EVL: variants seen among roughly 807,000 people sequenced by gnomAD.
EVL encodes ena/VASP-like protein.
Under a neutral mutation model 59.6 loss-of-function variants are expected in EVL, and 21 were observed. The ratio of observed to expected loss-of-function variants is 0.35; its 90% CI spans 0.25 to 0.51. EVL has a LOEUF of 0.51. EVL is among the 20% of genes least tolerant of loss of function. The pLI, the probability that EVL is intolerant of heterozygous loss-of-function variation, is 0.97. For missense variants in EVL, 462 were observed against 546.6 expected, an observed-to-expected ratio of 0.85 and a Z score of 1.54; for synonymous variants, 198 against 203.5, an observed-to-expected ratio of 0.97 and a Z score of 0.23.
chr14:100,086,652 T>C (rs1472129273), intron 2 of EVL, among the ~76,000 whole-genome samples: 3 of 152,162 alleles, frequency 2.0e-5, no homozygotes, highest in Non-Finnish European at 4.4e-5. Context: ...GGAAACCACA[T>C]GTTGAGAAAG....
intron 1 of EVL, among the ~76,000 whole-genome samples, chr14:100,034,811 C>T (rs948866683): frequency 1.3e-5 from 2 of 152,042 alleles, no homozygotes; most frequent in African/African-American, 4.8e-5. Flanking sequence ...CAGGCTCCTC[C>T]TCTTATTGGT....
chr14:99,987,975 C>T (rs150859837), intron 1 of EVL, among the ~76,000 whole-genome samples: 1,936 of 130,380 alleles, frequency 0.015, 49 homozygotes, highest in African/African-American at 0.055. Flanking sequence ...AGTGCAATGG[C>T]GTGATCTTGG....
At chr14:100,133,241 G>A (rs1888552842) in intron 8 of EVL, among the ~76,000 whole-genome samples, 1 of 152,206 alleles carries the variant, frequency 6.6e-6, no homozygotes, top group Non-Finnish European at 1.5e-5. Context: ...AAGGAGCCCT[G>A]GACCCCTGGC....
In EVL at chr14:99,972,094, G is replaced by C. The variant is rs539634785; in HGVS notation, c.5+37G>C. 3.2e-6 allele frequency: 1 copy of C among 317,256 alleles called. No homozygotes were observed. The highest frequency in any genetic ancestry group is 5.7e-6 in the Non-Finnish European group (1 of 173,922). 19.7% of individuals were successfully genotyped at this position (317,256 alleles called of 1,614,324 possible). On this transcript the variant is annotated intron_variant, in intron 1 of 13. Transcript: ENST00000402714. The surrounding 1 kb of genome is among the most constrained non-coding windows in gnomAD (Gnocchi z 4.4). ...CCGGCGCCTCGTGGGAGGTGGCAGC[G>C]GCCAGCGTCGGAGGGGCTGGGCTGG...
At position 100,127,850 on chromosome 14, in the gene EVL, T is replaced by G. The variant is rs543344374; in HGVS notation, c.488-669T>G. Among the ~76,000 whole-genome samples, 4 of 152,368 alleles carry G rather than the reference T, an allele frequency of 2.6e-5. No homozygotes were observed. Among genetic ancestry groups the G allele is most frequent in the Non-Finnish European group, 5.9e-5 (4 of 68,034 alleles). On this transcript the variant is annotated intron_variant, in intron 5 of 13. Coordinates refer to ENST00000392920, the MANE Select transcript of EVL (RefSeq NM_016337.3). The surrounding 1 kb of genome is among the most constrained non-coding windows in gnomAD (Gnocchi z 4.2). ...TGTCAGCTTGCCACAGTCCTCCATC[T>G]GCGTTTACCTCTGCGATTCGTTGAC...
rs1033104953 is a variant in EVL at position 100,114,786 on chromosome 14, C to T, written c.359-8753C>T. ...TCATGGGCCTCTCCTTTCACTCCCA[C>T]CTGCTCCGGGGGTGGGGGTGGGAGT... On this transcript the variant is annotated intron_variant, in intron 3 of 13. Transcript: ENST00000392920. This position sits in a 1 kb window ranked among gnomAD's most constrained non-coding sequence, Gnocchi z 5.0. Among the ~76,000 whole-genome samples, 10 of 152,182 alleles carry T rather than the reference C, an allele frequency of 6.6e-5. No individual in the cohort carries two copies. Among genetic ancestry groups the T allele is most frequent in the Admixed American group, 4.6e-4 (7 of 15,280 alleles).
intron 12 of EVL, 121 bp from the exon 13 acceptor site, chr14:100,141,615 G>A (rs1399088873): frequency 1.1e-6 from 1 of 876,198 alleles, no homozygotes; most frequent in Non-Finnish European, 1.7e-6. Context: ...GGAGACAAGG[G>A]TGACAGATGC....
intron 8 of EVL, among the ~76,000 whole-genome samples, chr14:100,133,179 TTC>T (rs1888548347): frequency 2.0e-5 from 3 of 152,148 alleles, no homozygotes; most frequent in Admixed American, 6.5e-5. Context: ...TTCAAATTAT[TTC>T]TGTTTCTAAA....
chr14:99,998,368 T>G (rs987839601), intron 1 of EVL, among the ~76,000 whole-genome samples: 1 of 152,136 alleles, frequency 6.6e-6, no homozygotes, highest in African/African-American at 2.4e-5. Context: ...AAGATCTGAC[T>G]CTCCTCAGCT....
chr14:100,113,770 G>A (rs1036165037), intron 3 of EVL, among the ~76,000 whole-genome samples: 1 of 152,180 alleles, frequency 6.6e-6, no homozygotes, highest in Non-Finnish European at 1.5e-5. Flanking sequence ...GAGGGAGGGT[G>A]CTAAGGGAGT....
At position 100,138,319 on chromosome 14, in the gene EVL, A is replaced by G. The variant is rs80109518; in HGVS notation, c.1094+517A>G. On this transcript the variant is annotated intron_variant, in intron 11 of 13. Coordinates refer to ENST00000392920, the MANE Select transcript of EVL (RefSeq NM_016337.3). ...AGTCCTTCCTCTGCGGCCGGCACAC[A>G]GAATCAGTTTCCCCACAGACATACT... 1.0e-3 allele frequency: 165 copies of G among 159,282 alleles called. 3 individuals carry two copies. In the East Asian group the frequency reaches 0.029, roughly 28 times the overall value. The allele number at this position is 159,282 out of a possible 1,614,324, so 9.9% of individuals were successfully genotyped here. A position where few individuals can be genotyped will look rare whatever the true frequency, so the allele number is the denominator to read the frequency against.
At chr14:100,079,357 A>C (rs1253924748) in intron 1 of EVL, among the ~76,000 whole-genome samples, 4 of 152,218 alleles carry the variant, frequency 2.6e-5, no homozygotes, top group Non-Finnish European at 5.9e-5. Flanking sequence ...TTTTTCCCAC[A>C]GTCAGGGTCA....
At chr14:100,135,616 G>A (rs1201614041) in intron 8 of EVL, 2 of 362,920 alleles carry the variant, frequency 5.5e-6, no homozygotes, top group South Asian at 3.1e-5. Context: ...CCCAAGGGGG[G>A]CTCAGGGCTT....
At chr14:100,112,292 CCTCT>C (rs1361952575) in intron 3 of EVL, among the ~76,000 whole-genome samples, 1 of 152,140 alleles carries the variant, frequency 6.6e-6, no homozygotes. Flanking sequence ...TGCTGCCTGC[CCTCT>C]CTCATCCAGG....
At chr14:99,987,253 C>T (rs1360446548) in intron 1 of EVL, among the ~76,000 whole-genome samples, 1 of 151,912 alleles carries the variant, frequency 6.6e-6, no homozygotes, top group Non-Finnish European at 1.5e-5. Context: ...GAAATACTAC[C>T]CCCCGCCAAG....
At chr14:100,053,927 G>A (rs1333742816) in intron 1 of EVL, among the ~76,000 whole-genome samples, 1 of 151,904 alleles carries the variant, frequency 6.6e-6, no homozygotes, top group South Asian at 2.1e-4. Flanking sequence ...GAATACAGGC[G>A]TGAGCCACTG....
At chr14:100,088,441 G>T (rs1370570145) in intron 2 of EVL, among the ~76,000 whole-genome samples, 4 of 152,158 alleles carry the variant, frequency 2.6e-5, no homozygotes, top group Non-Finnish European at 4.4e-5. Context: ...TTGTTGTCAT[G>T]TGAGTGTGCT....
chr14:99,989,918 A>G (rs1034907029), intron 1 of EVL, among the ~76,000 whole-genome samples: 2 of 152,236 alleles, frequency 1.3e-5, no homozygotes, highest in Non-Finnish European at 2.9e-5. Flanking sequence ...TTACTAAACT[A>G]GCCCTAGTTA....
chr14:100,110,829 G>A (rs1208571511), intron 3 of EVL, among the ~76,000 whole-genome samples: 2 of 152,220 alleles, frequency 1.3e-5, no homozygotes, highest in Admixed American at 6.5e-5. Context: ...CGCTAATGGC[G>A]AGATTCCTTT....
Sources: allele counts gnomAD v4.1 joint callset (sites outside exome capture counted in the v4.1 genomes callset), GRCh38; gene constraint gnomAD v4.1.1; non-coding constraint Gnocchi (gnomAD v3.1); transcripts MANE v1.5; gene names NCBI Gene and HGNC (gene_info 2026-07-23, HGNC 2026-07-21).